TBC1D19: variants seen among roughly 807,000 people sequenced by gnomAD.
TBC1D19 encodes TBC1 domain family member 19, also known as TBC1 domain family, member 19.
In TBC1D19, 60 loss-of-function variants were observed where a neutral mutation model predicts 89.0. The ratio of observed to expected loss-of-function variants is 0.67; its 90% confidence interval spans 0.55 to 0.84. The LOEUF is 0.84. TBC1D19 is among the 40% of genes least tolerant of loss of function. The pLI, the probability that TBC1D19 is intolerant of heterozygous loss-of-function variation, is 0.00. For missense variants in TBC1D19, 500 were observed against 610.8 expected (o/e 0.82, Z 1.91); for synonymous variants, 189 against 199.7 (o/e 0.95, Z 0.45).
intron 13 of TBC1D19, among the ~76,000 whole-genome samples, chr4:26,705,018 A>G (rs573499220): frequency 3.2e-4 from 48 of 151,464 alleles, no homozygotes; most frequent in Admixed American, 1.1e-3. Flanking sequence ...CTAATGATTA[A>G]TGATATTGAG....
chr4:26,831,793 G>A, the TBC1D19 span, among the ~76,000 whole-genome samples: 3 of 151,832 alleles, frequency 2.0e-5, no homozygotes, highest in Admixed American at 6.6e-5. Context: ...GGGTTTTACC[G>A]TGTTAGCCAG....
chr4:26,660,549 C>T (rs1745162525), intron 8 of TBC1D19, among the ~76,000 whole-genome samples: 1 of 152,186 alleles, frequency 6.6e-6, no homozygotes. Flanking sequence ...TTCCCCTTTG[C>T]CAGCAGGCCT....
At chr4:26,669,076 A>G (rs2109099279) in intron 9 of TBC1D19, among the ~76,000 whole-genome samples, 1 of 151,762 alleles carries the variant, frequency 6.6e-6, no homozygotes, top group Middle Eastern at 3.4e-3. Context: ...CAAGCTCAGC[A>G]TTCTTTCATA....
At chr4:26,724,322 T>C (rs887234091) in intron 15 of TBC1D19, among the ~76,000 whole-genome samples, 6 of 152,174 alleles carry the variant, frequency 3.9e-5, no homozygotes, top group African/African-American at 1.4e-4. Context: ...GGTTATACTT[T>C]TTTATTTCTT....
At chr4:26,661,474 C>T (rs932902249) in intron 8 of TBC1D19, among the ~76,000 whole-genome samples, 13 of 152,056 alleles carry the variant, frequency 8.5e-5, no homozygotes, top group Admixed American at 1.3e-4. Context: ...TGACCCTTGC[C>T]GACAGAGCTT....
chr4:26,772,934 A>G, the TBC1D19 span, among the ~76,000 whole-genome samples: 1 of 152,220 alleles, frequency 6.6e-6, no homozygotes. Context: ...ATATGCATGA[A>G]TGTATCTTTA....
intron 1 of TBC1D19, among the ~76,000 whole-genome samples, chr4:26,590,881 G>A (rs1739750815): frequency 7.5e-6 from 1 of 133,276 alleles, no homozygotes; most frequent in Admixed American, 9.0e-5. Context: ...AAGCTCCTGG[G>A]CTCAAGGGAT....
the TBC1D19 span, among the ~76,000 whole-genome samples, chr4:26,790,862 T>C: frequency 6.2e-4 from 95 of 152,346 alleles, no homozygotes; most frequent in African/African-American, 2.2e-3. Flanking sequence ...CAAAAATATT[T>C]TCACTTTTCT....
At chr4:26,738,949 G>C (rs1413899220) in intron 16 of TBC1D19, among the ~76,000 whole-genome samples, 1 of 152,036 alleles carries the variant, frequency 6.6e-6, no homozygotes, top group Non-Finnish European at 1.5e-5. Flanking sequence ...AGATTATAGA[G>C]CCCCAGAAAT....
In TBC1D19 at chr4:26,739,909, A is replaced by G. The variant is rs774810818; in HGVS notation, c.1163A>G (p.Gln388Arg). The change falls in exon 17 of 21, where the codon CAG (glutamine) becomes CGG (arginine). Residue 388 changes from glutamine to arginine, a missense_variant. Gln to Arg is a conservative substitution (Grantham distance 43). Around this residue, in one of 2 missense-constraint regions of TBC1D19, gnomAD observed 220 missense variants for 319.1 expected, o/e 0.69. Coordinates refer to ENST00000264866, the MANE Select transcript of TBC1D19 (RefSeq NM_018317.4). ...TACCATGAACCTTCCAAATTGTATC[A>G]GATATTCCGTGAGATGTATGTGCGT... ...FLYHEPSKLY[Q>R]IFREMYVRFF... is the part of the protein sequence containing the mutation. The G allele has an allele frequency of 1.6e-5, 26 of 1,599,016 alleles. No individual in the cohort carries two copies. Among genetic ancestry groups the G allele is most frequent in the Non-Finnish European group, 2.0e-5 (23 of 1,173,728 alleles).
At chr4:26,673,173 G>A (rs951616405) in intron 10 of TBC1D19, among the ~76,000 whole-genome samples, 4 of 151,538 alleles carry the variant, frequency 2.6e-5, no homozygotes, top group African/African-American at 9.7e-5. Flanking sequence ...GAGCCTTCTT[G>A]CAAGGTTATG....
chr4:26,619,079 T>C (rs1741871896), intron 3 of TBC1D19, among the ~76,000 whole-genome samples: 1 of 152,204 alleles, frequency 6.6e-6, no homozygotes, highest in Non-Finnish European at 1.5e-5. Flanking sequence ...TCTAACTTGA[T>C]TTTGGTCTTA....
Position 26,688,324 on chromosome 4 carries a change from ACT to A in TBC1D19, c.892-20_892-19del. 6.4e-7 allele frequency: 1 copy of A among 1,567,132 alleles called. No individual in the cohort carries two copies. The highest frequency in any genetic ancestry group is 8.7e-7 in the Non-Finnish European group (1 of 1,152,044). ...CAGATCTGTTTGAGTTCTTTTCAGT[ACT>A]GTCTACTTTTAATTATAGGATGTGA... is the stretch of plus-strand genomic sequence containing the variant. On this transcript the variant is annotated intron_variant, in intron 12 of 20. Transcript: ENST00000264866.
intron 7 of TBC1D19, among the ~76,000 whole-genome samples, chr4:26,644,943 A>G (rs1743812269): frequency 6.6e-6 from 1 of 152,218 alleles, no homozygotes; most frequent in African/African-American, 2.4e-5. Flanking sequence ...AAATGGAAGA[A>G]CATTCCATGC....
intron 13 of TBC1D19, among the ~76,000 whole-genome samples, chr4:26,703,749 C>G (rs1448870810): frequency 2.7e-5 from 4 of 150,842 alleles, no homozygotes; most frequent in African/African-American, 9.8e-5. Flanking sequence ...GTCAGGAGAT[C>G]GAGACCATCC....
Position 26,648,773 on chromosome 4 carries a change from C to T in TBC1D19, c.480+8586C>T, listed in dbSNP as rs981244791. On this transcript the variant is annotated intron_variant, in intron 7 of 20. Coordinates refer to ENST00000264866, the MANE Select transcript of TBC1D19 (RefSeq NM_018317.4). Reference sequence around the variant, plus strand: ...ATTTCTCTTAGCTTACTAAAAGTTTCTCCCAAACTCTTCCCTTTTCTAGCA... The same window carrying T: ...ATTTCTCTTAGCTTACTAAAAGTTTTTCCCAAACTCTTCCCTTTTCTAGCA... Among the ~76,000 whole-genome samples, 8 of 152,122 alleles carry T rather than the reference C, an allele frequency of 5.3e-5. No individual in the cohort carries two copies. The South Asian group carries it at 1.7e-3, about 31-fold the overall frequency.
At chr4:26,712,457 T>C (rs1716262832) in intron 13 of TBC1D19, among the ~76,000 whole-genome samples, 1 of 152,082 alleles carries the variant, frequency 6.6e-6, no homozygotes, top group Admixed American at 6.6e-5. Flanking sequence ...TTTCTGACTT[T>C]GACCCTGCTG....
the TBC1D19 span, among the ~76,000 whole-genome samples, chr4:26,824,123 C>T: frequency 1.3e-5 from 2 of 152,172 alleles, no homozygotes; most frequent in Admixed American, 1.3e-4. Context: ...GCTGGATTTG[C>T]TGAGGGAAGA....
At chr4:26,673,200 G>A (rs1435155435) in intron 10 of TBC1D19, among the ~76,000 whole-genome samples, 1 of 151,296 alleles carries the variant, frequency 6.6e-6, no homozygotes, top group East Asian at 1.9e-4. Context: ...TTGTTTCTAC[G>A]TCTTTGAAAA....
Sources: allele counts gnomAD v4.1 joint callset (sites outside exome capture counted in the v4.1 genomes callset), GRCh38; gene constraint gnomAD v4.1.1; regional missense constraint gnomAD v4.1.1; transcripts MANE v1.5; gene names NCBI Gene and HGNC (gene_info 2026-07-23, HGNC 2026-07-21).